R3HDM1: variants seen among roughly 807,000 people sequenced by gnomAD.
R3HDM1 encodes the protein R3H domain-containing protein 1.
Under a neutral mutation model 141.1 loss-of-function variants are expected in R3HDM1, and 46 were observed. The observed-to-expected ratio is 0.33, with a 90% CI of 0.26 to 0.42. The LOEUF is 0.42. Among genes scored for constraint, R3HDM1 ranks in the 10% least tolerant of loss-of-function variants. The pLI, the probability that R3HDM1 is intolerant of heterozygous loss-of-function variation, is 1.00. For synonymous variants in R3HDM1, 435 were observed against 472.9 expected, an observed-to-expected ratio of 0.92 and a Z score of 1.04; for missense variants, 1,184 against 1,368.3, an observed-to-expected ratio of 0.87 and a Z score of 2.12.
At chr2:135,663,438 G>A (rs1559377857) in intron 19 of R3HDM1, among the ~76,000 whole-genome samples, 1 of 152,178 alleles carries the variant, frequency 6.6e-6, no homozygotes, top group Admixed American at 6.5e-5. Context: ...CCTTTCAGCT[G>A]TTTTATATAG....
At chr2:135,589,993 G>A (rs1352857437) in intron 1 of R3HDM1, among the ~76,000 whole-genome samples, 1 of 152,122 alleles carries the variant, frequency 6.6e-6, no homozygotes, top group African/African-American at 2.4e-5. Context: ...TGTGTAAACT[G>A]TGAACATACA....
intron 1 of R3HDM1, among the ~76,000 whole-genome samples, chr2:135,573,308 A>G (rs1205959716): frequency 6.6e-6 from 1 of 152,176 alleles, no homozygotes; most frequent in Non-Finnish European, 1.5e-5. Context: ...TTGAAGACAT[A>G]GCATAACTTG....
chr2:135,640,882 A>G (rs2063723138), intron 14 of R3HDM1, among the ~76,000 whole-genome samples: 1 of 152,210 alleles, frequency 6.6e-6, no homozygotes. Context: ...CAGTTATCAA[A>G]TTAGTTCAGT....
chr2:135,667,070 A>G lies in R3HDM1; in HGVS notation c.2152+5677A>G, dbSNP rs1315161291. The G allele has an allele frequency of 4.5e-6, 4 of 890,048 alleles. No homozygotes were observed. In the East Asian group the frequency reaches 3.6e-4, roughly 80 times the overall value. 55.1% of individuals were successfully genotyped at this position (890,048 alleles called of 1,614,324 possible). On this transcript the variant is annotated intron_variant, in intron 19 of 26. Coordinates refer to ENST00000683871, the MANE Select transcript of R3HDM1 (RefSeq NM_001378107.1). ...TTTAATACTTTTTGTAATTTTTCTG[A>G]TTATTTCTGTGTTATTAAGAATGCT... is the stretch of plus-strand genomic sequence containing the variant.
intron 2 of R3HDM1, 52 bp from the exon 3 acceptor site, chr2:135,604,754 C>T (rs775413899): frequency 5.1e-5 from 66 of 1,305,892 alleles, no homozygotes; most frequent in Non-Finnish European, 5.9e-5. Context: ...CAGTATCATG[C>T]AGTAACTGAA....
intron 17 of R3HDM1, chr2:135,651,061 GT>G (rs1299676318): frequency 2.0e-6 from 2 of 985,182 alleles, no homozygotes; most frequent in African/African-American, 3.5e-5. Context: ...CATAACCCTT[GT>G]CTTGGTAGGG....
At chr2:135,540,171 A>G (rs997945728) in intron 1 of R3HDM1, among the ~76,000 whole-genome samples, 1 of 152,226 alleles carries the variant, frequency 6.6e-6, no homozygotes, top group African/African-American at 2.4e-5. Context: ...ATCCGTAATC[A>G]TGAACAAATA....
intron 26 of R3HDM1, among the ~76,000 whole-genome samples, chr2:135,722,945 G>C (rs2076836811): frequency 6.6e-6 from 1 of 152,060 alleles, no homozygotes; most frequent in African/African-American, 2.4e-5. Context: ...TTTCTACTCA[G>C]CAGCCTTGTG....
chr2:135,595,498 T>A (rs56369229), intron 1 of R3HDM1, among the ~76,000 whole-genome samples: 6,551 of 152,296 alleles, frequency 0.043, 476 homozygotes, highest in African/African-American at 0.15. Flanking sequence ...CTGCTTAATC[T>A]TCCTCTGCCT....
chr2:135,666,980 GA>G, intron 19 of R3HDM1: 9 of 461,852 alleles, frequency 1.9e-5, no homozygotes, highest in Non-Finnish European at 2.5e-5. Flanking sequence ...GCACAGTCTG[GA>G]AAAAAAATTA....
intron 5 of R3HDM1, among the ~76,000 whole-genome samples, chr2:135,617,106 G>A (rs1050444612): frequency 6.6e-5 from 10 of 152,050 alleles, no homozygotes; most frequent in South Asian, 2.1e-4. Context: ...GGCACATCAC[G>A]AGGTCAGGAG....
rs1048187113 is a variant in R3HDM1, at chr2:135,560,159, G to A, written c.-250+28526G>A. Among the ~76,000 whole-genome samples, 5 of 152,114 alleles carry A rather than the reference G, an allele frequency of 3.3e-5. No individual in the cohort carries two copies. The East Asian group carries it at 9.6e-4, about 29-fold the overall frequency. The stretch of plus-strand genomic sequence containing the variant: ...ATTTTTCCACTCTAAACCACTTAAT[G>A]TTTAAAATTTCAAGTTCTTAGGATT... On this transcript the variant is annotated intron_variant, in intron 1 of 26. Transcript: ENST00000683871.
intron 1 of R3HDM1, among the ~76,000 whole-genome samples, chr2:135,535,179 A>C (rs1311550414): frequency 6.6e-6 from 1 of 152,202 alleles, no homozygotes; most frequent in Non-Finnish European, 1.5e-5. Context: ...ATATAGGGAT[A>C]ATAATTTATT....
At chr2:135,543,611 A>C (rs1698085887) in intron 1 of R3HDM1, among the ~76,000 whole-genome samples, 1 of 152,154 alleles carries the variant, frequency 6.6e-6, no homozygotes, top group Non-Finnish European at 1.5e-5. Context: ...AAAAATATTT[A>C]ATGATTAATA....
intron 21 of R3HDM1, among the ~76,000 whole-genome samples, chr2:135,684,353 TGCTG>T (rs1311890149): frequency 6.6e-6 from 1 of 152,238 alleles, no homozygotes; most frequent in Non-Finnish European, 1.5e-5. Flanking sequence ...CCTCCCAAAG[TGCTG>T]GGATTACAGG....
Position 135,702,435 on chromosome 2 carries a change from C to T in R3HDM1, c.2460-6998C>T, listed in dbSNP as rs957942859. ...CAGCACTTTGGAAGGCCAAGGCTGG[C>T]GGATCACAAGGTCAGGAGATCGAGA... On this transcript the variant is annotated intron_variant, in intron 21 of 26. Transcript: ENST00000683871. Among the ~76,000 whole-genome samples, 11 of 151,782 alleles carry T rather than the reference C, an allele frequency of 7.2e-5. No individual in the cohort carries two copies. The South Asian group carries it at 1.0e-3, about 14-fold the overall frequency.
chr2:135,594,798 C>G (rs938389107), intron 1 of R3HDM1, among the ~76,000 whole-genome samples: 1 of 152,062 alleles, frequency 6.6e-6, no homozygotes, highest in Admixed American at 6.6e-5. Flanking sequence ...CCTCCTAAAC[C>G]TCTAGCCTCT....
intron 1 of R3HDM1, among the ~76,000 whole-genome samples, chr2:135,574,721 G>T (rs1573973095): frequency 6.6e-6 from 1 of 152,130 alleles, no homozygotes. Context: ...GGAAAACTCA[G>T]TGTCTCCATA....
rs1393111032 is a variant in R3HDM1 at position 135,651,887 on chromosome 2, C to G, written c.1883C>G (p.Pro628Arg). The change falls in exon 18 of 27, where the codon CCT becomes CGT. Residue 628 changes from proline to arginine, a missense_variant. By Grantham distance (103) the Pro-to-Arg change is moderately radical (BLOSUM62 -2). This residue lies in a region of R3HDM1 where 563 missense variants were observed against 562.0 expected (regional missense o/e 1.00). Transcript: ENST00000683871. ...YIMTAAPPPH[P>R]PPPPPPPPPP... ...ATGACAGCAGCCCCTCCACCACATC[C>G]TCCTCCACCGCCACCACCACCACCT... 1 of 1,613,874 alleles carries G rather than the reference C, an allele frequency of 6.2e-7. No homozygotes were observed. The highest frequency in any genetic ancestry group is 8.5e-7 in the Non-Finnish European group (1 of 1,179,954).
Sources: allele counts gnomAD v4.1 joint callset (sites outside exome capture counted in the v4.1 genomes callset), GRCh38; gene constraint gnomAD v4.1.1; regional missense constraint gnomAD v4.1.1; transcripts MANE v1.5; gene names NCBI Gene and HGNC (gene_info 2026-07-23, HGNC 2026-07-21).